Variants in SLC24A3 observed in about 807,000 individuals in gnomAD.
SLC24A3 encodes the protein solute carrier family 24 member 3.
A neutral mutation model predicts 75.8 loss-of-function variants in SLC24A3; 28 were observed. The observed-to-expected ratio is 0.37, with a 90% confidence interval of 0.27 to 0.51. The LOEUF is 0.51. Ranked by LOEUF, SLC24A3 falls within the 20% of genes least tolerant of loss-of-function variation. The pLI is 0.94. For missense variants in SLC24A3, 663 were observed against 847.8 expected (o/e 0.78, Z 2.71); for synonymous variants, 372 against 334.1 (o/e 1.11, Z -1.24).
At chr20:19,409,317 A>C (rs1246605726) in intron 2 of SLC24A3, among the ~76,000 whole-genome samples, 1 of 152,078 alleles carries the variant, frequency 6.6e-6, no homozygotes, top group Non-Finnish European at 1.5e-5. Context: ...AGCTGCAGGG[A>C]TAGTGGGTTC....
chr20:19,289,231 C>T (rs1022305676), intron 2 of SLC24A3, among the ~76,000 whole-genome samples: 2 of 152,120 alleles, frequency 1.3e-5, no homozygotes, highest in African/African-American at 2.4e-5. Context: ...CAATATTTTT[C>T]CTTTCGTATG....
chr20:19,572,968 TTTA>T (rs926784348), intron 3 of SLC24A3, among the ~76,000 whole-genome samples: 1 of 152,132 alleles, frequency 6.6e-6, no homozygotes, highest in African/African-American at 2.4e-5. Flanking sequence ...AAAGGAAGAT[TTTA>T]TTATTATTAT....
chr20:19,628,970 AAC>A (rs2031901026), intron 6 of SLC24A3, among the ~76,000 whole-genome samples: 1 of 152,142 alleles, frequency 6.6e-6, no homozygotes. Flanking sequence ...ACAAAACAAC[AAC>A]AACAAACAAA....
chr20:19,496,573 C>T (rs1183174063), intron 2 of SLC24A3, among the ~76,000 whole-genome samples: 16 of 152,260 alleles, frequency 1.1e-4, no homozygotes, highest in Non-Finnish European at 1.0e-4. Context: ...TGTGTGGCTC[C>T]TGAGTTAGCC....
At chr20:19,498,427 G>T (rs1206950384) in intron 2 of SLC24A3, among the ~76,000 whole-genome samples, 4 of 151,990 alleles carry the variant, frequency 2.6e-5, no homozygotes, top group Non-Finnish European at 4.4e-5. Flanking sequence ...ACTCTGGATG[G>T]CTGTGCCCCT....
At chr20:19,412,679 C>A (rs116127004) in intron 2 of SLC24A3, among the ~76,000 whole-genome samples, 1,831 of 152,152 alleles carry the variant, frequency 0.012, 29 homozygotes, top group African/African-American at 0.042. Context: ...TGATGAAATT[C>A]TTTTAAGATC....
intron 6 of SLC24A3, among the ~76,000 whole-genome samples, chr20:19,588,797 G>T (rs898298481): frequency 5.9e-5 from 9 of 152,216 alleles, no homozygotes; most frequent in African/African-American, 1.9e-4. Flanking sequence ...ATTTCGATCT[G>T]CCGTTCAGAG....
At chr20:19,278,794 C>T (rs1248573167) in intron 1 of SLC24A3, among the ~76,000 whole-genome samples, 1 of 152,182 alleles carries the variant, frequency 6.6e-6, no homozygotes, top group Non-Finnish European at 1.5e-5. Context: ...ACCTGGGGGG[C>T]TCTCCTGGAT....
At chr20:19,426,825 G>C (rs6046081) in intron 2 of SLC24A3, among the ~76,000 whole-genome samples, 68,031 of 151,964 alleles carry the variant, frequency 0.45, 15,276 homozygotes, top group Middle Eastern at 0.53. Flanking sequence ...TGGGTGATGA[G>C]GAATACCTGA....
chr20:19,701,057 T>C (rs2032865952), intron 15 of SLC24A3, among the ~76,000 whole-genome samples: 7 of 152,208 alleles, frequency 4.6e-5, no homozygotes, highest in Admixed American at 3.9e-4. Flanking sequence ...CCTGAAGTTT[T>C]GGGACAGCTT....
intron 2 of SLC24A3, among the ~76,000 whole-genome samples, chr20:19,440,262 A>G (rs76715124): frequency 0.024 from 3,643 of 152,246 alleles, 162 homozygotes; most frequent in African/African-American, 0.083. Context: ...GCATCCACTC[A>G]CCTTATCTGT....
At chr20:19,447,565 C>A (rs891311419) in intron 2 of SLC24A3, among the ~76,000 whole-genome samples, 12 of 151,914 alleles carry the variant, frequency 7.9e-5, no homozygotes, top group Non-Finnish European at 1.3e-4. Context: ...TACACACACA[C>A]AAAATAAAAT....
At chr20:19,622,556 G>C (rs976117370) in intron 6 of SLC24A3, among the ~76,000 whole-genome samples, 2 of 152,176 alleles carry the variant, frequency 1.3e-5, no homozygotes, top group Non-Finnish European at 2.9e-5. Flanking sequence ...TGGAGTCTGT[G>C]TCGACTTTTG....
intron 2 of SLC24A3, among the ~76,000 whole-genome samples, chr20:19,382,778 T>A (rs1331666753): frequency 1.3e-5 from 2 of 152,086 alleles, no homozygotes; most frequent in Non-Finnish European, 2.9e-5. Context: ...CATGGCATAT[T>A]GGGGTTTGAA....
At chr20:19,590,676 G>A (rs944900371) in intron 6 of SLC24A3, among the ~76,000 whole-genome samples, 6 of 152,310 alleles carry the variant, frequency 3.9e-5, no homozygotes, top group African/African-American at 1.4e-4. Context: ...AGTAGACCAA[G>A]GCCAAGGTCA....
chr20:19,376,452 T>G (rs1986084723), intron 2 of SLC24A3, among the ~76,000 whole-genome samples: 2 of 152,174 alleles, frequency 1.3e-5, no homozygotes, highest in African/African-American at 4.8e-5. Flanking sequence ...ATCTCCAGAT[T>G]GCCTTGTGCG....
intron 1 of SLC24A3, among the ~76,000 whole-genome samples, chr20:19,255,073 A>C (rs917038729): frequency 6.6e-6 from 1 of 152,122 alleles, no homozygotes; most frequent in African/African-American, 2.4e-5. Context: ...CTGGGTGGGG[A>C]TCCATGTGGC....
At chr20:19,258,271 G>A (rs1299224786) in intron 1 of SLC24A3, among the ~76,000 whole-genome samples, 5 of 152,186 alleles carry the variant, frequency 3.3e-5, no homozygotes, top group African/African-American at 4.8e-5. Context: ...CCCATTCCAG[G>A]CTTTGGGCAA....
chr20:19,665,418 A>T (rs372486450), intron 7 of SLC24A3, among the ~76,000 whole-genome samples: 1 of 152,244 alleles, frequency 6.6e-6, no homozygotes. Context: ...AAGTCCAAGC[A>T]CTTGCATAAA....
Sources: gnomAD v4.1 joint callset for allele counts (sites outside exome capture counted in the v4.1 genomes callset) on GRCh38, gnomAD v4.1.1 for gene constraint, MANE v1.5 for transcripts, NCBI Gene and HGNC (gene_info 2026-07-23, HGNC 2026-07-21) for gene names.